The following ZFHX3 variants were observed in gnomAD, a reference collection of about 807,000 sequenced individuals.
ZFHX3 encodes the protein zinc finger homeobox protein 3.
ZFHX3 carries 42 observed loss-of-function variants against 279.1 expected under a neutral mutation model. That is an observed-to-expected ratio of 0.15 (90% CI 0.12 to 0.19). The LOEUF is 0.19. Among genes scored for constraint, ZFHX3 ranks in the 10% least tolerant of loss-of-function variants. The probability of loss-of-function intolerance (pLI) is 1.00; values close to 1 mark genes in which losing one functional copy is unlikely to be tolerated. For missense variants in ZFHX3, 4,981 were observed against 4,754.0 expected, an observed-to-expected ratio of 1.05 and a Z score of -1.40; for synonymous variants, 2,293 against 1,957.8, an observed-to-expected ratio of 1.17 and a Z score of -4.52.
At chr16:73,752,825 G>C (rs1259545040) in intron 1 of ZFHX3, among the ~76,000 whole-genome samples, 1 of 152,100 alleles carries the variant, frequency 6.6e-6, no homozygotes, top group African/African-American at 2.4e-5. Context: ...GTACTCCCTA[G>C]TATGGACACT....
chr16:73,798,330 G>T (rs1207001158), intron 1 of ZFHX3, among the ~76,000 whole-genome samples: 2 of 151,916 alleles, frequency 1.3e-5, no homozygotes, highest in Non-Finnish European at 2.9e-5. Context: ...GATGCTTGGG[G>T]GAAAGGTGAG....
chr16:73,183,563 T>C (rs1323161131), intron 5 of ZFHX3, among the ~76,000 whole-genome samples: 2 of 152,236 alleles, frequency 1.3e-5, no homozygotes, highest in Non-Finnish European at 2.9e-5. Flanking sequence ...CGGCTGTCAC[T>C]GAACCCATCT....
At chr16:73,593,630 G>C (rs942896208) in intron 2 of ZFHX3, among the ~76,000 whole-genome samples, 1 of 151,410 alleles carries the variant, frequency 6.6e-6, no homozygotes, top group Admixed American at 6.6e-5. Context: ...GGAAGTGAAG[G>C]AAAAAAGAAG....
At chr16:73,208,004 T>A (rs1321373720) in intron 5 of ZFHX3, among the ~76,000 whole-genome samples, 1 of 152,154 alleles carries the variant, frequency 6.6e-6, no homozygotes, top group Admixed American at 6.6e-5. Context: ...GAACATTCTC[T>A]GCACTATCTC....
chr16:73,686,164 C>T (rs1251019698), intron 1 of ZFHX3, among the ~76,000 whole-genome samples: 7 of 152,052 alleles, frequency 4.6e-5, no homozygotes, highest in African/African-American at 1.2e-4. Context: ...GGCGTGATCT[C>T]GGCTCACTAC....
chr16:73,286,846 GTGTGTGGGTGTGTGGT>G (rs1567440327), intron 4 of ZFHX3, among the ~76,000 whole-genome samples: 7 of 144,778 alleles, frequency 4.8e-5, no homozygotes, highest in Admixed American at 1.4e-4. Flanking sequence ...TGGTGAGTCG[GTGTGTGGGTGTGTGGT>G]TGTGTGGGTG....
At chr16:73,238,279 A>G (rs559491321) in intron 5 of ZFHX3, among the ~76,000 whole-genome samples, 1 of 152,266 alleles carries the variant, frequency 6.6e-6, no homozygotes, top group African/African-American at 2.4e-5. Context: ...ATGATCATCT[A>G]TAGGCTGATC....
intron 4 of ZFHX3, among the ~76,000 whole-genome samples, chr16:73,274,010 G>T (rs1443191451): frequency 6.6e-6 from 1 of 152,154 alleles, no homozygotes; most frequent in Non-Finnish European, 1.5e-5. Flanking sequence ...TAGGCATGGT[G>T]GTGCGCGCCT....
intron 1 of ZFHX3, among the ~76,000 whole-genome samples, chr16:73,818,801 C>T (rs1199287754): frequency 1.3e-5 from 2 of 152,178 alleles, no homozygotes; most frequent in Admixed American, 6.5e-5. Flanking sequence ...GGGCCTTCTC[C>T]TAACAGGCAA....
chr16:73,397,237 G>C (rs934225318), intron 3 of ZFHX3, among the ~76,000 whole-genome samples: 1 of 152,214 alleles, frequency 6.6e-6, no homozygotes, highest in Non-Finnish European at 1.5e-5. Context: ...GAGACCTGAA[G>C]AGTAAGGATT....
At chr16:72,924,847 A>G (rs1195067569) in intron 3 of ZFHX3, among the ~76,000 whole-genome samples, 2 of 152,110 alleles carry the variant, frequency 1.3e-5, no homozygotes, top group Non-Finnish European at 2.9e-5. Flanking sequence ...TTATTAAACT[A>G]ACCTCCTGGG....
At chr16:73,634,753 C>T (rs1190588968) in intron 2 of ZFHX3, among the ~76,000 whole-genome samples, 1 of 151,934 alleles carries the variant, frequency 6.6e-6, no homozygotes, top group Non-Finnish European at 1.5e-5. Context: ...TTCCAAGTCA[C>T]CAATGATAGC....
chr16:73,427,717 C>T (rs953655158), intron 3 of ZFHX3, among the ~76,000 whole-genome samples: 6 of 151,754 alleles, frequency 4.0e-5, no homozygotes, highest in Non-Finnish European at 7.4e-5. Context: ...GGGCAGACCA[C>T]GAGGTCAGGA....
intron 1 of ZFHX3, among the ~76,000 whole-genome samples, chr16:73,031,193 T>C (rs1964683681): frequency 6.6e-6 from 1 of 152,204 alleles, no homozygotes; most frequent in Non-Finnish European, 1.5e-5. Flanking sequence ...GTTCTATAAA[T>C]CATCACAAAT....
intron 3 of ZFHX3, among the ~76,000 whole-genome samples, chr16:73,448,410 C>T (rs79972660): frequency 0.012 from 1,760 of 151,882 alleles, 30 homozygotes; most frequent in African/African-American, 0.04. Context: ...GACTTTGGAG[C>T]TTAGGGAAAA....
At chr16:72,866,718 A>G (rs749483135) in intron 4 of ZFHX3, among the ~76,000 whole-genome samples, 3 of 152,118 alleles carry the variant, frequency 2.0e-5, no homozygotes, top group Non-Finnish European at 2.9e-5. Flanking sequence ...AGAATGTCCA[A>G]GGACATTTAC....
intron 2 of ZFHX3, among the ~76,000 whole-genome samples, chr16:73,478,520 T>A (rs1313933181): frequency 6.6e-6 from 1 of 152,224 alleles, no homozygotes. Context: ...AGGATTCCCC[T>A]GGGCAAACTG....
intron 1 of ZFHX3, among the ~76,000 whole-genome samples, chr16:73,682,854 GAA>G (rs1427617861): frequency 4.2e-5 from 1 of 23,668 alleles, no homozygotes; most frequent in Non-Finnish European, 9.4e-5. Context: ...AAAAGAAAGA[GAA>G]AGAAAGAAAG....
intron 1 of ZFHX3, among the ~76,000 whole-genome samples, chr16:73,055,722 A>ACG (rs1965540444): frequency 7.2e-6 from 1 of 139,506 alleles, no homozygotes; most frequent in Non-Finnish European, 1.6e-5. Context: ...ACACACACAC[A>ACG]TACACACACA....
Sources: allele counts gnomAD v4.1 joint callset (sites outside exome capture counted in the v4.1 genomes callset), GRCh38; gene constraint gnomAD v4.1.1; transcripts MANE v1.5; gene names NCBI Gene and HGNC (gene_info 2026-07-23, HGNC 2026-07-21).